GRIK1: variants seen among roughly 807,000 people sequenced by gnomAD.
GRIK1 encodes the protein glutamate ionotropic receptor kainate type subunit 1, also known as glutamate receptor ionotropic, kainate 1.
In GRIK1, 69 loss-of-function variants were observed where a neutral mutation model predicts 105.7. The observed-to-expected ratio is 0.65, with a 90% CI of 0.54 to 0.80. The LOEUF (loss-of-function observed/expected upper bound fraction) is 0.80. GRIK1 is among the 30% of genes least tolerant of loss of function. The probability of loss-of-function intolerance (pLI) is 0.00; values close to 1 mark genes in which losing one functional copy is unlikely to be tolerated. For synonymous variants in GRIK1, 438 were observed against 431.3 expected, an observed-to-expected ratio of 1.02 and a Z score of -0.19; for missense variants, 1,109 against 1,167.3, an observed-to-expected ratio of 0.95 and a Z score of 0.73.
chr21:29,643,339 GATTTGTTTCTCAGC>G (rs1275063542), intron 6 of GRIK1, among the ~76,000 whole-genome samples: 19 of 152,322 alleles, frequency 1.2e-4, no homozygotes, highest in Admixed American at 4.6e-4. Context: ...TGCAATATCA[GATTTGTTTCTCAGC>G]ATTTGTCTAT....
rs77561653 is a variant in GRIK1, at chr21:29,930,326, G to A, written c.118+9057C>T. Reference sequence around the variant, plus strand: ...TCATCAGAATGCAACATCTGTTTACGGATTACTAAAGTATGTAATCCAACA... The same window carrying A: ...TCATCAGAATGCAACATCTGTTTACAGATTACTAAAGTATGTAATCCAACA... On this transcript the variant is annotated intron_variant, in intron 1 of 17. Coordinates refer to ENST00000327783, the MANE Select transcript of GRIK1 (RefSeq NM_001330994.2). Among the ~76,000 whole-genome samples the A allele has an allele frequency of 7.2e-5, 11 of 152,048 alleles. No individual in the cohort carries two copies. The South Asian group carries it at 1.5e-3, about 20-fold the overall frequency.
chr21:29,584,391 A>C (rs1054813957), intron 12 of GRIK1, among the ~76,000 whole-genome samples: 7 of 152,210 alleles, frequency 4.6e-5, no homozygotes, highest in Admixed American at 3.3e-4. Context: ...CAGACATTCT[A>C]TCTGGATATT....
intron 1 of GRIK1, among the ~76,000 whole-genome samples, chr21:29,766,336 C>T (rs150225569): frequency 7.9e-5 from 12 of 152,242 alleles, no homozygotes; most frequent in East Asian, 3.9e-4. Flanking sequence ...TTGATTGTTA[C>T]GATTGAGTAG....
intron 4 of GRIK1, among the ~76,000 whole-genome samples, chr21:29,663,815 G>A (rs542610563): frequency 2.0e-5 from 3 of 152,134 alleles, no homozygotes; most frequent in Non-Finnish European, 2.9e-5. Flanking sequence ...AAACATGGAG[G>A]TATAAAATCA....
chr21:29,744,871 C>G (rs2065012949), intron 1 of GRIK1, among the ~76,000 whole-genome samples: 1 of 151,770 alleles, frequency 6.6e-6, no homozygotes, highest in Non-Finnish European at 1.5e-5. Flanking sequence ...GTAGGAGACA[C>G]TTTGACCTGT....
intron 1 of GRIK1, among the ~76,000 whole-genome samples, chr21:29,889,340 G>A (rs559746353): frequency 8.6e-5 from 13 of 152,036 alleles, no homozygotes; most frequent in African/African-American, 3.1e-4. Context: ...TCCATTCTCC[G>A]AGTTCTTTTA....
At chr21:29,696,484 A>G (rs1453292406) in intron 1 of GRIK1, among the ~76,000 whole-genome samples, 2 of 152,232 alleles carry the variant, frequency 1.3e-5, no homozygotes, top group African/African-American at 4.8e-5. Flanking sequence ...TTCTCTCAGA[A>G]CTGTTGGTGG....
chr21:29,726,625 C>A (rs917333890), intron 1 of GRIK1, among the ~76,000 whole-genome samples: 2 of 151,826 alleles, frequency 1.3e-5, no homozygotes, highest in African/African-American at 4.8e-5. Flanking sequence ...ATTTATTATT[C>A]ATAAAACAAC....
At chr21:29,893,045 G>A (rs1009267449) in intron 1 of GRIK1, among the ~76,000 whole-genome samples, 2 of 152,130 alleles carry the variant, frequency 1.3e-5, no homozygotes, top group East Asian at 1.9e-4. Flanking sequence ...GGTGACACAC[G>A]CCTATAGTTC....
intron 15 of GRIK1, among the ~76,000 whole-genome samples, chr21:29,558,537 A>C (rs2090314377): frequency 6.6e-6 from 1 of 151,444 alleles, no homozygotes; most frequent in Non-Finnish European, 1.5e-5. Context: ...TTATTCCTTC[A>C]TTGTTTTTGG....
At chr21:29,830,657 A>G (rs1050241001) in intron 1 of GRIK1, among the ~76,000 whole-genome samples, 87 of 152,262 alleles carry the variant, frequency 5.7e-4, no homozygotes, top group Non-Finnish European at 1.0e-3. Flanking sequence ...TGTCCTAGGA[A>G]GTTTTACAAT....
chr21:29,796,722 G>C (rs1450133288), intron 1 of GRIK1, among the ~76,000 whole-genome samples: 3 of 152,104 alleles, frequency 2.0e-5, no homozygotes, highest in Non-Finnish European at 4.4e-5. Flanking sequence ...GCCGAGGTGA[G>C]CAGATCACTT....
intron 3 of GRIK1, among the ~76,000 whole-genome samples, chr21:29,682,067 C>G (rs1056093581): frequency 2.6e-5 from 4 of 152,206 alleles, no homozygotes; most frequent in Admixed American, 6.5e-5. Flanking sequence ...TCTTCTGGGT[C>G]AGGGTGTTAA....
At chr21:29,590,743 G>A (rs2061321445) in intron 10 of GRIK1, among the ~76,000 whole-genome samples, 1 of 152,102 alleles carries the variant, frequency 6.6e-6, no homozygotes. Context: ...CAGTTGGGAG[G>A]GAACAGAAGA....
chr21:29,625,213 C>T (rs992344357), intron 7 of GRIK1, among the ~76,000 whole-genome samples: 1 of 152,058 alleles, frequency 6.6e-6, no homozygotes, highest in Non-Finnish European at 1.5e-5. Flanking sequence ...AGAGGACGGG[C>T]AACATAATTA....
rs181263475 is a variant in GRIK1 at position 29,900,814 on chromosome 21, C to A, written c.118+38569G>T. Among the ~76,000 whole-genome samples, 18 of 152,276 alleles carry A rather than the reference C, an allele frequency of 1.2e-4. No individual in the cohort carries two copies. The East Asian group carries it at 3.3e-3, about 28-fold the overall frequency. On this transcript the variant is annotated intron_variant, in intron 1 of 17. Coordinates refer to ENST00000327783, the MANE Select transcript of GRIK1 (RefSeq NM_001330994.2). ...TAATAGACATCTACAGAACCCTCTA[C>A]CCCAAATCAGCAAAATATATATTCT...
intron 8 of GRIK1, chr21:29,597,743 T>A (rs572403138): frequency 1.2e-4 from 43 of 346,430 alleles, no homozygotes; most frequent in Middle Eastern, 4.4e-4. Context: ...GCAAACAAAT[T>A]ATTTTCCTCA....
At chr21:29,894,723 A>C (rs466093) in intron 1 of GRIK1, among the ~76,000 whole-genome samples, 131,347 of 152,172 alleles carry the variant, frequency 0.86, 58,275 homozygotes, top group Non-Finnish European at 0.96. Flanking sequence ...GCCTGAAAGC[A>C]ATGAGATGCA....
At chr21:29,885,575 A>G (rs1276638236) in intron 1 of GRIK1, among the ~76,000 whole-genome samples, 1 of 152,124 alleles carries the variant, frequency 6.6e-6, no homozygotes, top group African/African-American at 2.4e-5. Context: ...CTTCAAAGGA[A>G]ACATTAATGA....
Sources: allele counts gnomAD v4.1 joint callset (sites outside exome capture counted in the v4.1 genomes callset), GRCh38; gene constraint gnomAD v4.1.1; transcripts MANE v1.5; gene names NCBI Gene and HGNC (gene_info 2026-07-23, HGNC 2026-07-21).